SOX5: variants seen among roughly 807,000 people sequenced by gnomAD.
SOX5 encodes the protein SRY-box transcription factor 5.
In SOX5, 9 loss-of-function variants were observed where a neutral mutation model predicts 92.0. That is an observed-to-expected ratio of 0.10 (90% CI 0.06 to 0.17). SOX5 has a LOEUF of 0.17. Ranked by LOEUF, SOX5 falls within the 10% of genes least tolerant of loss-of-function variation. The pLI, the probability that SOX5 is intolerant of heterozygous loss-of-function variation, is 1.00. For missense variants in SOX5, 642 were observed against 944.5 expected (o/e 0.68, Z 4.20); for synonymous variants, 344 against 336.3 (o/e 1.02, Z -0.25).
chr12:23,976,914 TA>T (rs1414065335), intron 4 of SOX5, among the ~76,000 whole-genome samples: 1 of 151,274 alleles, frequency 6.6e-6, no homozygotes, highest in Non-Finnish European at 1.5e-5. Flanking sequence ...GAAAAGCAAA[TA>T]CAGGAAGGAA....
intron 4 of SOX5, among the ~76,000 whole-genome samples, chr12:24,021,845 G>A (rs923339147): frequency 1.3e-5 from 2 of 152,132 alleles, no homozygotes; most frequent in African/African-American, 4.8e-5. Context: ...TGCAATAATA[G>A]TTGTCACCTT....
intron 4 of SOX5, among the ~76,000 whole-genome samples, chr12:24,071,192 A>T (rs1363750602): frequency 6.6e-6 from 1 of 152,226 alleles, no homozygotes; most frequent in Non-Finnish European, 1.5e-5. Flanking sequence ...TAGACCATTA[A>T]ATATGACCCC....
intron 6 of SOX5, among the ~76,000 whole-genome samples, chr12:23,721,471 A>C (rs1469585382): frequency 1.3e-5 from 2 of 152,030 alleles, no homozygotes; most frequent in Non-Finnish European, 2.9e-5. Context: ...CTTATCCGAG[A>C]GCGTAAACTA....
At chr12:23,805,360 T>C (rs1455979192) in intron 3 of SOX5, among the ~76,000 whole-genome samples, 1 of 151,978 alleles carries the variant, frequency 6.6e-6, no homozygotes, top group Non-Finnish European at 1.5e-5. Flanking sequence ...TAAATAGGCA[T>C]ATATTGGTAA....
At chr12:24,090,421 A>C (rs1944502541) in intron 4 of SOX5, among the ~76,000 whole-genome samples, 1 of 152,162 alleles carries the variant, frequency 6.6e-6, no homozygotes, top group African/African-American at 2.4e-5. Flanking sequence ...GTCAAAGACC[A>C]CTGACTAAAT....
At chr12:24,123,891 G>A (rs375558839) in intron 4 of SOX5, among the ~76,000 whole-genome samples, 18 of 152,148 alleles carry the variant, frequency 1.2e-4, no homozygotes, top group African/African-American at 4.3e-4. Context: ...TCCCAGCTTG[G>A]TAGGCGATCC....
Position 24,228,124 on chromosome 12 carries a change from A to G in SOX5, c.-76-14707T>C, listed in dbSNP as rs575886286. Among the ~76,000 whole-genome samples the G allele has an allele frequency of 2.0e-5, 3 of 152,262 alleles. No individual in the cohort carries two copies. The East Asian group carries it at 5.8e-4, about 29-fold the overall frequency. Reference sequence around the variant, plus strand: ...GCCCGGGTCTCAGAGAGAGCTCTAGATTTCCCTGTGATAAGCTTCTGCTTT... The same window carrying G: ...GCCCGGGTCTCAGAGAGAGCTCTAGGTTTCCCTGTGATAAGCTTCTGCTTT... On this transcript the variant is annotated intron_variant, in intron 3 of 4. Transcript: ENST00000446891.
At chr12:24,294,196 G>A (rs1946937368) in intron 2 of SOX5, among the ~76,000 whole-genome samples, 1 of 152,012 alleles carries the variant, frequency 6.6e-6, no homozygotes, top group Non-Finnish European at 1.5e-5. Flanking sequence ...GACCAGTGCT[G>A]GGACCTCTTG....
At chr12:23,666,842 T>G (rs2083890333) in intron 6 of SOX5, among the ~76,000 whole-genome samples, 1 of 152,220 alleles carries the variant, frequency 6.6e-6, no homozygotes, top group South Asian at 2.1e-4. Flanking sequence ...ACATATTTAT[T>G]CAGTCACTAA....
chr12:23,875,928 T>C (rs551820494), intron 2 of SOX5, among the ~76,000 whole-genome samples: 2 of 152,278 alleles, frequency 1.3e-5, no homozygotes, highest in South Asian at 4.1e-4. Flanking sequence ...CTATTGGAAA[T>C]ACTGTAGCAC....
At chr12:24,005,532 A>G (rs929665915) in intron 4 of SOX5, among the ~76,000 whole-genome samples, 1 of 152,180 alleles carries the variant, frequency 6.6e-6, no homozygotes, top group African/African-American at 2.4e-5. Context: ...TGACATCTCC[A>G]TGACTTATTT....
chr12:23,658,498 G>C (rs529424808), intron 7 of SOX5, among the ~76,000 whole-genome samples: 5 of 152,198 alleles, frequency 3.3e-5, no homozygotes, highest in African/African-American at 1.2e-4. Flanking sequence ...CATTTACAAA[G>C]CTTTACAACT....
chr12:23,823,327 C>T (rs1422457647), intron 3 of SOX5, among the ~76,000 whole-genome samples: 3 of 152,150 alleles, frequency 2.0e-5, no homozygotes, highest in South Asian at 2.1e-4. Flanking sequence ...CAAAATTTCT[C>T]AGCATTTGCT....
At chr12:23,696,762 G>A (rs1336585903) in intron 6 of SOX5, among the ~76,000 whole-genome samples, 3 of 151,776 alleles carry the variant, frequency 2.0e-5, no homozygotes, top group Non-Finnish European at 4.4e-5. Context: ...CTTTAGTTCC[G>A]TATCACAAAT....
intron 1 of SOX5, among the ~76,000 whole-genome samples, chr12:24,515,603 A>T (rs554809390): frequency 6.6e-6 from 1 of 152,194 alleles, no homozygotes; most frequent in Non-Finnish European, 1.5e-5. Flanking sequence ...GAAACCAAAA[A>T]TTGTTCTTAT....
chr12:24,482,186 C>A (rs1213064918), intron 1 of SOX5, among the ~76,000 whole-genome samples: 1 of 152,152 alleles, frequency 6.6e-6, no homozygotes, highest in African/African-American at 2.4e-5. Flanking sequence ...CATGGATACA[C>A]TGTACACTCA....
chr12:23,961,090 G>T (rs988263986), intron 4 of SOX5, among the ~76,000 whole-genome samples: 2 of 152,040 alleles, frequency 1.3e-5, no homozygotes, highest in African/African-American at 2.4e-5. Flanking sequence ...GCAGACCCCA[G>T]ATAGCTGTTT....
At chr12:24,284,421 G>GTT (rs139338983) in intron 2 of SOX5, among the ~76,000 whole-genome samples, 2 of 123,760 alleles carry the variant, frequency 1.6e-5, no homozygotes, top group Non-Finnish European at 3.5e-5. Flanking sequence ...GGAGGCACAC[G>GTT]TTTTTTTTCT....
intron 3 of SOX5, among the ~76,000 whole-genome samples, chr12:23,779,810 T>C (rs1379301701): frequency 1.6e-4 from 16 of 98,650 alleles, no homozygotes; most frequent in African/African-American, 6.2e-4. Flanking sequence ...TATATATATA[T>C]ATATACACAC....
Sources: gnomAD v4.1 joint callset for allele counts (sites outside exome capture counted in the v4.1 genomes callset) on GRCh38, gnomAD v4.1.1 for gene constraint, MANE v1.5 for transcripts, NCBI Gene and HGNC (gene_info 2026-07-23, HGNC 2026-07-21) for gene names.